Variants in UNC13C observed in about 807,000 individuals in gnomAD.
The protein encoded by UNC13C is protein unc-13 homolog C.
Under a neutral mutation model 245.4 loss-of-function variants are expected in UNC13C, and 174 were observed. The ratio of observed to expected loss-of-function variants is 0.71; its 90% CI spans 0.63 to 0.80. The LOEUF (loss-of-function observed/expected upper bound fraction) is 0.80, where lower values mean the gene tolerates loss of function less well. Ranked by LOEUF, UNC13C falls within the 30% of genes least tolerant of loss-of-function variation. The pLI, the probability that UNC13C is intolerant of heterozygous loss-of-function variation, is 0.00. For missense variants in UNC13C, 2,829 were observed against 2,602.9 expected, an observed-to-expected ratio of 1.09 and a Z score of -1.89; for synonymous variants, 992 against 895.1, an observed-to-expected ratio of 1.11 and a Z score of -1.93.
At position 54,567,791 on chromosome 15, in the gene UNC13C, T is replaced by A; in HGVS notation, c.5959-9T>A. 1 of 1,577,406 alleles carries A rather than the reference T, an allele frequency of 6.3e-7. No homozygotes were observed. On this transcript the variant is annotated splice_polypyrimidine_tract_variant and intron_variant, in intron 29 of 32. Coordinates refer to ENST00000260323, the MANE Select transcript of UNC13C (RefSeq NM_001080534.3). ...CTAAATGCCTCGGCTTATTTTTTTTTCTTTGTAGCAATACTTTCATGCAGG... is the reference window on the plus strand; with the variant it reads ...CTAAATGCCTCGGCTTATTTTTTTTACTTTGTAGCAATACTTTCATGCAGG...
intron 13 of UNC13C, among the ~76,000 whole-genome samples, chr15:54,309,737 T>G (rs2037819825): frequency 5.9e-5 from 9 of 151,864 alleles, no homozygotes; most frequent in Admixed American, 4.6e-4. Context: ...ACATCCAGTT[T>G]TTTCAACATC....
intron 17 of UNC13C, among the ~76,000 whole-genome samples, chr15:54,384,486 C>A (rs2039794418): frequency 6.6e-6 from 1 of 152,028 alleles, no homozygotes; most frequent in Admixed American, 6.6e-5. Context: ...ACCCCTGTCT[C>A]TACCGTATAC....
chr15:54,077,376 C>CTTTTCTTTT (rs1898688018), intron 2 of UNC13C, among the ~76,000 whole-genome samples: 3 of 62,698 alleles, frequency 4.8e-5, no homozygotes, highest in South Asian at 7.4e-4. Flanking sequence ...CTTTTCTTTT[C>CTTTTCTTTT]TTTTTTTTTT....
Position 54,205,767 on chromosome 15 carries a change from T to C in UNC13C, c.3072-29263T>C, listed in dbSNP as rs189027207. ...TTCTTATAAGTGTTCGAAGTATAAA[T>C]TGAAAGGCAAACACCTCACTTTTCA... On this transcript the variant is annotated intron_variant, in intron 4 of 32. Coordinates refer to ENST00000260323, the MANE Select transcript of UNC13C (RefSeq NM_001080534.3). Among the ~76,000 whole-genome samples the C allele has an allele frequency of 1.0e-3, 154 of 152,126 alleles. 1 individual carries two copies. In the Middle Eastern group the frequency reaches 0.01, roughly 10 times the overall value.
At chr15:53,973,198 A>G in the UNC13C span, among the ~76,000 whole-genome samples, 1 of 152,146 alleles carries the variant, frequency 6.6e-6, no homozygotes, top group Admixed American at 6.5e-5. Context: ...CTTATTAAGA[A>G]TTTTAAAACA....
intron 2 of UNC13C, among the ~76,000 whole-genome samples, chr15:54,108,111 G>A (rs536851374): frequency 3.3e-5 from 5 of 152,096 alleles, no homozygotes; most frequent in Non-Finnish European, 5.9e-5. Context: ...TCAATGCTTT[G>A]GATCTGTAGA....
At chr15:54,587,053 C>G (rs955150253) in intron 30 of UNC13C, among the ~76,000 whole-genome samples, 3 of 152,164 alleles carry the variant, frequency 2.0e-5, no homozygotes, top group African/African-American at 7.2e-5. Context: ...TGGCTGAAAA[C>G]TACCCAGATA....
intron 18 of UNC13C, among the ~76,000 whole-genome samples, chr15:54,408,824 T>G (rs1481522423): frequency 6.6e-6 from 1 of 152,238 alleles, no homozygotes; most frequent in Non-Finnish European, 1.5e-5. Context: ...GATCATATTT[T>G]ATATGCTAAT....
At chr15:54,531,317 C>G (rs2141148623) in intron 25 of UNC13C, among the ~76,000 whole-genome samples, 1 of 152,230 alleles carries the variant, frequency 6.6e-6, no homozygotes, top group South Asian at 2.1e-4. Context: ...AAGGATGAAG[C>G]CCAGAGGATC....
rs201085644 is a variant in UNC13C, at chr15:54,549,343, A to C, written c.5821-292A>C. ...GCTAAAAATAAATGAATAAAAGTTA[A>C]AGATCACTGATTTAATCCATATACT... On this transcript the variant is annotated intron_variant, in intron 27 of 32. Coordinates refer to ENST00000260323, the MANE Select transcript of UNC13C (RefSeq NM_001080534.3). Among the ~76,000 whole-genome samples the C allele has an allele frequency of 3.9e-5, 6 of 152,200 alleles. No individual in the cohort carries two copies. The East Asian group carries it at 1.2e-3, about 29-fold the overall frequency.
At chr15:54,407,925 G>A (rs916906035) in intron 18 of UNC13C, among the ~76,000 whole-genome samples, 1 of 151,968 alleles carries the variant, frequency 6.6e-6, no homozygotes, top group African/African-American at 2.4e-5. Flanking sequence ...GAATGGGCGG[G>A]GTGCGGTGGC....
At chr15:54,008,664 C>T (rs1895248581) in intron 1 of UNC13C, among the ~76,000 whole-genome samples, 1 of 152,052 alleles carries the variant, frequency 6.6e-6, no homozygotes, top group Non-Finnish European at 1.5e-5. Context: ...TCTCATCTAC[C>T]TTGAGTTTTT....
intron 19 of UNC13C, among the ~76,000 whole-genome samples, chr15:54,435,599 G>C (rs560035272): frequency 1.3e-5 from 2 of 150,952 alleles, no homozygotes; most frequent in Admixed American, 1.3e-4. Context: ...GGGGGACTAG[G>C]GGAGGGGTAA....
intron 19 of UNC13C, among the ~76,000 whole-genome samples, chr15:54,419,977 T>C (rs1312429840): frequency 6.6e-6 from 1 of 152,058 alleles, no homozygotes; most frequent in Non-Finnish European, 1.5e-5. Flanking sequence ...TCTCTCTCCC[T>C]CTTACAACAT....
At chr15:54,201,976 T>C (rs772067972) in intron 4 of UNC13C, among the ~76,000 whole-genome samples, 7 of 151,890 alleles carry the variant, frequency 4.6e-5, no homozygotes, top group Non-Finnish European at 8.8e-5. Context: ...TTTCAGGATA[T>C]AAAATCAATG....
intron 30 of UNC13C, among the ~76,000 whole-genome samples, chr15:54,569,207 C>G (rs1281336968): frequency 2.0e-5 from 3 of 152,038 alleles, no homozygotes; most frequent in Non-Finnish European, 1.5e-5. Flanking sequence ...GTACACCCCC[C>G]CCTCCAACAC....
At chr15:54,043,124 G>T (rs1896884036) in intron 2 of UNC13C, among the ~76,000 whole-genome samples, 1 of 152,104 alleles carries the variant, frequency 6.6e-6, no homozygotes. Context: ...ATGTGGATGG[G>T]TTTTGAAATC....
At chr15:54,277,350 T>C (rs2036859421) in intron 10 of UNC13C, among the ~76,000 whole-genome samples, 1 of 152,208 alleles carries the variant, frequency 6.6e-6, no homozygotes, top group African/African-American at 2.4e-5. Flanking sequence ...AGCACTAAAA[T>C]AAGAAGTAGG....
chr15:53,946,923 T>A, the UNC13C span, among the ~76,000 whole-genome samples: 2 of 152,124 alleles, frequency 1.3e-5, no homozygotes, highest in African/African-American at 4.8e-5. Context: ...ATTTTTGCAT[T>A]AATGTTCATC....
Sources: allele counts gnomAD v4.1 joint callset (sites outside exome capture counted in the v4.1 genomes callset), GRCh38; gene constraint gnomAD v4.1.1; transcripts MANE v1.5; gene names NCBI Gene and HGNC (gene_info 2026-07-23, HGNC 2026-07-21).